NCAPG2: variants seen among roughly 807,000 people sequenced by gnomAD.
The protein encoded by NCAPG2 is non-SMC condensin II complex subunit G2.
A neutral mutation model predicts 141.1 loss-of-function variants in NCAPG2; 53 were observed. The ratio of observed to expected loss-of-function variants is 0.38; its 90% CI spans 0.30 to 0.47. NCAPG2 has a LOEUF of 0.47. Among genes scored for constraint, NCAPG2 ranks in the 20% least tolerant of loss-of-function variants. The pLI is 0.99. For synonymous variants in NCAPG2, 499 were observed against 490.7 expected, an observed-to-expected ratio of 1.02 and a Z score of -0.22; for missense variants, 1,087 against 1,389.0, an observed-to-expected ratio of 0.78 and a Z score of 3.46.
intron 4 of NCAPG2, 74 bp from the exon 5 acceptor site, chr7:158,690,796 T>C (rs1835067875): frequency 1.5e-6 from 2 of 1,362,820 alleles, no homozygotes; most frequent in African/African-American, 2.9e-5. Context: ...GTTTAGAGTA[T>C]CATGACTTTA....
intron 24 of NCAPG2, among the ~76,000 whole-genome samples, chr7:158,648,807 C>G (rs1182606117): frequency 5.8e-5 from 4 of 68,768 alleles, no homozygotes; most frequent in Admixed American, 1.4e-4. Flanking sequence ...CACAACCACG[C>G]CAAATGGACC....
chr7:158,656,144 T>C, intron 19 of NCAPG2, 116 bp downstream of exon 19: 1 of 1,330,542 alleles, frequency 7.5e-7, no homozygotes, highest in Non-Finnish European at 1.0e-6. Flanking sequence ...ATGATCACTC[T>C]CAATTCTGTT....
intron 24 of NCAPG2, among the ~76,000 whole-genome samples, chr7:158,647,312 A>ATT (rs1831098398): frequency 6.6e-6 from 1 of 152,084 alleles, no homozygotes; most frequent in Non-Finnish European, 1.5e-5. Flanking sequence ...GCCTCCACCC[A>ATT]CTCAATGCCT....
chr7:158,696,447 G>A (rs935755534), intron 2 of NCAPG2: 1 of 152,170 alleles, frequency 6.6e-6, no homozygotes, highest in African/African-American at 2.4e-5. Context: ...TAAATTTCCT[G>A]ATTTTGAGGA....
At chr7:158,687,498 TAAC>T (rs1834845930) in intron 6 of NCAPG2, 56 bp from the exon 7 acceptor site, 1 of 1,272,372 alleles carries the variant, frequency 7.9e-7, no homozygotes, top group East Asian at 2.4e-5. Context: ...AAGTGCCAAA[TAAC>T]AAACAATTAT....
chr7:158,650,693 C>A lies in NCAPG2; in HGVS notation c.3075+139G>T. 2.8e-6 allele frequency: 3 copies of A among 1,070,290 alleles called. No individual in the cohort carries two copies. The East Asian group carries it at 7.9e-5, about 28-fold the overall frequency. 66.3% of individuals were successfully genotyped at this position (1,070,290 alleles called of 1,614,324 possible). On this transcript the variant is annotated intron_variant, in intron 24 of 27. Transcript: ENST00000356309. ...GCTATCAAACTCTGAGGTGTAGCTG[C>A]TAGGAAAGTGCACCACTCACTCAAG...
At chr7:158,651,028 A>C (rs1831452812) in intron 23 of NCAPG2, 56 bp from the exon 24 acceptor site, 2 of 1,491,600 alleles carry the variant, frequency 1.3e-6, no homozygotes, top group African/African-American at 2.9e-5. Flanking sequence ...TTTTGAAAAA[A>C]ACAAAAAAAC....
Position 158,631,732 on chromosome 7 carries a change from A to T in NCAPG2, c.3381-15T>A. On this transcript the variant is annotated splice_polypyrimidine_tract_variant and intron_variant, in intron 27 of 27. Coordinates refer to ENST00000356309, the MANE Select transcript of NCAPG2 (RefSeq NM_017760.7). ...CATAGAGAAATCTGAAACACAAATA[A>T]AGAAATATTTAGCTACAGAAAAAAG... is the stretch of plus-strand genomic sequence containing the variant. The T allele has an allele frequency of 6.4e-7, 1 of 1,572,050 alleles. No individual in the cohort carries two copies. Among genetic ancestry groups the T allele is most frequent in the Non-Finnish European group, 8.7e-7 (1 of 1,145,090 alleles).
chr7:158,694,141 G>A (rs2129469253), intron 2 of NCAPG2, among the ~76,000 whole-genome samples: 1 of 152,286 alleles, frequency 6.6e-6, no homozygotes, highest in East Asian at 1.9e-4. Flanking sequence ...AACCACTCTG[G>A]GAGAGAGGGC....
At position 158,675,564 on chromosome 7, in the gene NCAPG2, C is replaced by G. The variant is rs370565592; in HGVS notation, c.1239G>C (p.Pro413=). The stretch of plus-strand genomic sequence containing the variant: ...TCTTCAGGAGGTCAATAAGAATGGT[C>G]GGGGGCATCATTTCCCAGTACTTAG... ...ITSKYWEMMP[P]TILIDLLKKV... Residue 413 remains proline, a synonymous_variant, in exon 12 of 28, where the codon CCG becomes CCC. Coordinates refer to ENST00000356309, the MANE Select transcript of NCAPG2 (RefSeq NM_017760.7). 1.2e-6 allele frequency: 2 copies of G among 1,613,658 alleles called. No individual in the cohort carries two copies. The highest frequency in any genetic ancestry group is 1.3e-5 in the African/African-American group (1 of 75,010).
In NCAPG2 at chr7:158,631,426, T is replaced by C; in HGVS notation, c.*240A>G. Reference sequence around the variant, plus strand: ...GTTTTTTCTTGGAATCATGGATTTCTACACCATTCATACCTGGAGTCCTTT... The same window carrying C: ...GTTTTTTCTTGGAATCATGGATTTCCACACCATTCATACCTGGAGTCCTTT... On this transcript the variant is annotated 3_prime_UTR_variant, in exon 28 of 28. Transcript: ENST00000356309. The C allele has an allele frequency of 2.0e-6, 1 of 489,572 alleles. No homozygotes were observed. The highest frequency in any genetic ancestry group is 3.5e-6 in the Non-Finnish European group (1 of 283,026). The allele number at this position is 489,572 out of a possible 1,614,324, so 30.3% of individuals were successfully genotyped here.
rs373930444 is a variant in NCAPG2 at position 158,631,702 on chromosome 7, T to C, written c.3396A>G (p.Ser1132=). The change falls in exon 28 of 28, where the codon TCA becomes TCG. Residue 1132 remains serine, a synonymous_variant. Transcript: ENST00000356309. ...EDSIERFLYE[S]SSRTLGELLN... ...AAAGTTCTCCCAGAGTTCTTGATGA[T>C]GATTCATAGAGAAATCTGAAACACA... 14 of 1,599,992 alleles carry C rather than the reference T, an allele frequency of 8.8e-6. No individual in the cohort carries two copies. In the African/African-American group the frequency reaches 1.3e-4, roughly 15 times the overall value.
chr7:158,666,537 T>C (rs1311557265), intron 13 of NCAPG2, among the ~76,000 whole-genome samples: 1 of 151,504 alleles, frequency 6.6e-6, no homozygotes, highest in East Asian at 1.9e-4. Context: ...AAGTACAAGA[T>C]CATAGCACTT....
chr7:158,661,259 A>C (rs1399861866), intron 16 of NCAPG2, among the ~76,000 whole-genome samples: 1 of 152,246 alleles, frequency 6.6e-6, no homozygotes, highest in Non-Finnish European at 1.5e-5. Context: ...AACATTTAGG[A>C]AGAGAAATGT....
chr7:158,655,510 C>T (rs1831846046), intron 19 of NCAPG2, 55 bp from the exon 20 acceptor site: 1 of 1,411,840 alleles, frequency 7.1e-7, no homozygotes, highest in Non-Finnish European at 1.0e-6. Flanking sequence ...ACCACCACAC[C>T]CCGTACAGCA....
At chr7:158,673,619 G>A (rs1233224473) in intron 12 of NCAPG2, among the ~76,000 whole-genome samples, 1 of 152,202 alleles carries the variant, frequency 6.6e-6, no homozygotes, top group East Asian at 1.9e-4. Context: ...GCATGCTGTG[G>A]ATAGTCTGAA....
chr7:158,655,539 T>G, intron 19 of NCAPG2, 84 bp from the exon 20 acceptor site: 3 of 1,193,254 alleles, frequency 2.5e-6, no homozygotes, highest in Non-Finnish European at 3.7e-6. Flanking sequence ...GGGAAGCACC[T>G]GATCCTCAGG....
intron 13 of NCAPG2, 79 bp downstream of exon 13, chr7:158,671,435 A>C: frequency 2.6e-6 from 4 of 1,538,558 alleles, no homozygotes; most frequent in Non-Finnish European, 3.6e-6. Context: ...AAAATGTGGA[A>C]TTAAAACTAC....
intron 13 of NCAPG2, among the ~76,000 whole-genome samples, chr7:158,665,690 C>T (rs779711464): frequency 6.6e-6 from 1 of 152,158 alleles, no homozygotes; most frequent in Non-Finnish European, 1.5e-5. Flanking sequence ...GTCAGTCGAC[C>T]TGCTCCTAAG....
Sources: allele counts gnomAD v4.1 joint callset (sites outside exome capture counted in the v4.1 genomes callset), GRCh38; gene constraint gnomAD v4.1.1; transcripts MANE v1.5; gene names NCBI Gene and HGNC (gene_info 2026-07-23, HGNC 2026-07-21).